The following CDH12 variants were observed in gnomAD, a reference collection of about 807,000 sequenced individuals.
The protein encoded by CDH12 is cadherin 12.
Under a neutral mutation model 74.1 loss-of-function variants are expected in CDH12, and 41 were observed. The ratio of observed to expected loss-of-function variants is 0.55; its 90% CI spans 0.43 to 0.72. The LOEUF is 0.72. CDH12 is among the 30% of genes least tolerant of loss of function. The pLI, the probability that CDH12 is intolerant of heterozygous loss-of-function variation, is 0.00. For missense variants in CDH12, 945 were observed against 977.2 expected, an observed-to-expected ratio of 0.97 and a Z score of 0.44; for synonymous variants, 399 against 355.0, an observed-to-expected ratio of 1.12 and a Z score of -1.39.
intron 6 of CDH12, among the ~76,000 whole-genome samples, chr5:21,922,016 C>A (rs188900136): frequency 2.6e-5 from 4 of 152,224 alleles, no homozygotes; most frequent in Admixed American, 1.3e-4. Flanking sequence ...ATAGTAACTT[C>A]TTTTACCATG....
chr5:21,952,667 C>T (rs1755916967), intron 6 of CDH12, among the ~76,000 whole-genome samples: 1 of 152,074 alleles, frequency 6.6e-6, no homozygotes, highest in African/African-American at 2.4e-5. Context: ...AGGATAGACA[C>T]TATACTTTCT....
chr5:21,950,757 T>TTTATTA (rs71609723), intron 6 of CDH12, among the ~76,000 whole-genome samples: 39,661 of 136,632 alleles, frequency 0.29, 6,542 homozygotes, highest in East Asian at 0.49. Flanking sequence ...TAAATTTTAT[T>TTTATTA]TTATTATTAT....
At chr5:21,963,908 T>TAA (rs1756469226) in intron 6 of CDH12, among the ~76,000 whole-genome samples, 1 of 152,130 alleles carries the variant, frequency 6.6e-6, no homozygotes, top group Non-Finnish European at 1.5e-5. Flanking sequence ...CTTCCTCTCC[T>TAA]GTTTTCCTAG....
intron 4 of CDH12, chr5:22,143,931 G>C (rs1746982798): frequency 6.6e-6 from 1 of 151,810 alleles, no homozygotes; most frequent in South Asian, 2.1e-4. Flanking sequence ...TGAAATAAAT[G>C]ACAAGTCATA....
intron 6 of CDH12, among the ~76,000 whole-genome samples, chr5:21,943,836 A>T (rs1454611421): frequency 6.6e-6 from 1 of 152,180 alleles, no homozygotes; most frequent in African/African-American, 2.4e-5. Context: ...AGGACATCTT[A>T]CTCAAAAATT....
chr5:21,986,111 T>C (rs1419922286), intron 5 of CDH12, among the ~76,000 whole-genome samples: 1 of 152,096 alleles, frequency 6.6e-6, no homozygotes, highest in Non-Finnish European at 1.5e-5. Context: ...CTATTTATCA[T>C]CTGGAAATAT....
intron 8 of CDH12, among the ~76,000 whole-genome samples, chr5:21,824,297 A>G (rs1374475628): frequency 6.6e-6 from 1 of 151,740 alleles, no homozygotes; most frequent in East Asian, 1.9e-4. Context: ...TTACTTGATG[A>G]TGTGGTTTTT....
rs372712684 is a variant in CDH12 at position 22,545,076 on chromosome 5, GT to G, written c.-522-39713del. ...TGTGTAACACATAATTTAGTGATGGGTTTTTACAAGATGCCTCTGGCTACTT... is the reference window on the plus strand; with the variant it reads ...TGTGTAACACATAATTTAGTGATGGGTTTTACAAGATGCCTCTGGCTACTT... On this transcript the variant is annotated intron_variant, in intron 1 of 14. Transcript: ENST00000382254. Among the ~76,000 whole-genome samples, 44 of 152,290 alleles carry G rather than the reference GT, an allele frequency of 2.9e-4. No homozygotes were observed. The East Asian group carries it at 3.1e-3, about 11-fold the overall frequency.
chr5:22,674,554 A>G (rs990840607), intron 1 of CDH12, among the ~76,000 whole-genome samples: 1 of 152,190 alleles, frequency 6.6e-6, no homozygotes, highest in Non-Finnish European at 1.5e-5. Flanking sequence ...AGATACCTGA[A>G]AATGTGGAAG....
At chr5:22,570,379 G>A (rs142164953) in intron 1 of CDH12, among the ~76,000 whole-genome samples, 130 of 152,116 alleles carry the variant, frequency 8.5e-4, no homozygotes, top group Middle Eastern at 3.4e-3. Flanking sequence ...CATAATATTC[G>A]AAACTCAAAA....
chr5:21,859,407 C>T (rs1750916898), intron 6 of CDH12, among the ~76,000 whole-genome samples: 1 of 151,884 alleles, frequency 6.6e-6, no homozygotes, highest in South Asian at 2.1e-4. Flanking sequence ...ATGAGAACAG[C>T]ATGGGGGAAA....
At chr5:22,057,513 T>G (rs1436138346) in intron 5 of CDH12, among the ~76,000 whole-genome samples, 1 of 152,120 alleles carries the variant, frequency 6.6e-6, no homozygotes, top group African/African-American at 2.4e-5. Flanking sequence ...AGAATCTCTC[T>G]TCCCTCCCGG....
intron 3 of CDH12, among the ~76,000 whole-genome samples, chr5:22,376,803 G>A (rs973791650): frequency 6.0e-5 from 9 of 150,894 alleles, no homozygotes; most frequent in Admixed American, 2.0e-4. Context: ...GATTACAGAC[G>A]TGAGCCGCTG....
At chr5:21,772,259 A>G (rs1745361005) in intron 11 of CDH12, among the ~76,000 whole-genome samples, 1 of 152,128 alleles carries the variant, frequency 6.6e-6, no homozygotes, top group South Asian at 2.1e-4. Context: ...TCAAAATATC[A>G]GAACATGCTG....
chr5:21,854,922 T>C, intron 6 of CDH12, 132 bp from the exon 7 acceptor site: 2 of 647,850 alleles, frequency 3.1e-6, no homozygotes, highest in Non-Finnish European at 5.1e-6. Flanking sequence ...ATGATGTCAC[T>C]GAGGATAGTT....
intron 3 of CDH12, among the ~76,000 whole-genome samples, chr5:22,309,607 C>T (rs1263541131): frequency 3.9e-5 from 6 of 152,012 alleles, no homozygotes; most frequent in African/African-American, 1.4e-4. Flanking sequence ...GTGCTAAGAC[C>T]ACCTAAAATG....
intron 1 of CDH12, among the ~76,000 whole-genome samples, chr5:22,581,060 A>T (rs946870557): frequency 6.6e-6 from 1 of 152,198 alleles, no homozygotes; most frequent in African/African-American, 2.4e-5. Context: ...TAGAAAAAAA[A>T]TCCCATTTTC....
At chr5:22,648,708 T>G (rs1417846206) in intron 1 of CDH12, among the ~76,000 whole-genome samples, 1 of 151,826 alleles carries the variant, frequency 6.6e-6, no homozygotes, top group African/African-American at 2.4e-5. Flanking sequence ...TAATTTGGAG[T>G]TGTTTCTTTA....
intron 4 of CDH12, among the ~76,000 whole-genome samples, chr5:22,167,427 A>G (rs1209465521): frequency 6.6e-6 from 1 of 152,156 alleles, no homozygotes; most frequent in African/African-American, 2.4e-5. Flanking sequence ...GACAGTGGTA[A>G]TGGTATTGGT....
Sources: gnomAD v4.1 joint callset for allele counts (sites outside exome capture counted in the v4.1 genomes callset) on GRCh38, gnomAD v4.1.1 for gene constraint, MANE v1.5 for transcripts, NCBI Gene and HGNC (gene_info 2026-07-23, HGNC 2026-07-21) for gene names.